ADSS1: variants seen among roughly 807,000 people sequenced by gnomAD.
The protein encoded by ADSS1 is adenylosuccinate synthetase isozyme 1.
ADSS1 carries 57 observed loss-of-function variants against 59.1 expected under a neutral mutation model. That is an observed-to-expected ratio of 0.97 (90% CI 0.78 to 1.20). The LOEUF is 1.20. ADSS1 is among the 50% of genes most tolerant of loss of function. The pLI is 0.00. For synonymous variants in ADSS1, 247 were observed against 249.4 expected, an observed-to-expected ratio of 0.99 and a Z score of 0.09; for missense variants, 603 against 610.3, an observed-to-expected ratio of 0.99 and a Z score of 0.13.
At chr14:104,739,410 C>CCCT in intron 4 of ADSS1, 32 bp downstream of exon 4, 1 of 1,585,672 alleles carries the variant, frequency 6.3e-7, no homozygotes, top group Non-Finnish European at 8.6e-7. Flanking sequence ...AGGGAACAGC[C>CCCT]CCTCCTGCCC....
At chr14:104,739,910 A>C in intron 5 of ADSS1, 94 bp downstream of exon 5, 1 of 1,368,858 alleles carries the variant, frequency 7.3e-7, no homozygotes, top group Non-Finnish European at 1.0e-6. Flanking sequence ...CACAACGAGG[A>C]GGGTACCTCA....
At chr14:104,736,916 AT>A (rs1419314352) in intron 2 of ADSS1, among the ~76,000 whole-genome samples, 239 of 127,674 alleles carry the variant, frequency 1.9e-3, no homozygotes, top group Non-Finnish European at 2.3e-3. Context: ...ATATATATGC[AT>A]TTTTTTTTTT....
At chr14:104,730,656 C>T (rs1232683420) in intron 1 of ADSS1, among the ~76,000 whole-genome samples, 1 of 152,058 alleles carries the variant, frequency 6.6e-6, no homozygotes, top group African/African-American at 2.4e-5. Context: ...GGTGGGAGGA[C>T]TGGGGAGTGG....
rs559696857 is a variant in ADSS1 at position 104,746,333 on chromosome 14, C to T, written c.1269C>T (p.Pro423=). ...TTGARRWEDL[P]PQAQNYIRFV... ...GCGCCAGGAGGTGGGAGGACCTGCC[C>T]CCACAGGCCCAGAACTACATCCGCT... is the stretch of plus-strand genomic sequence containing the variant. The change falls in exon 12 of 13, where the codon CCC becomes CCT. Residue 423 remains proline, a synonymous_variant. Transcript: ENST00000330877. 15 of 1,613,800 alleles carry T rather than the reference C, an allele frequency of 9.3e-6. No homozygotes were observed. The Admixed American group carries it at 1.3e-4, about 14-fold the overall frequency.
At chr14:104,733,718 G>T (rs1891014912) in intron 1 of ADSS1, among the ~76,000 whole-genome samples, 1 of 152,206 alleles carries the variant, frequency 6.6e-6, no homozygotes, top group Non-Finnish European at 1.5e-5. Flanking sequence ...GGAAGGTGGG[G>T]CTGGATCTGG....
In ADSS1 at chr14:104,745,174, G is replaced by T. The variant is rs1039276668; in HGVS notation, c.1171+265G>T. 2.0e-5 allele frequency: 8 copies of T among 410,194 alleles called. No individual in the cohort carries two copies. In the Admixed American group the frequency reaches 3.2e-4, roughly 16 times the overall value. 25.4% of individuals were successfully genotyped at this position (410,194 alleles called of 1,614,324 possible). On this transcript the variant is annotated intron_variant, in intron 11 of 12. Coordinates refer to ENST00000330877, the MANE Select transcript of ADSS1 (RefSeq NM_152328.5). ...AATGGCTCAGGGGGACAGACTACTC[G>T]CCTGGGACCCTGGGGGACCTTCAGC...
chr14:104,746,722 G>A lies in ADSS1; in HGVS notation c.1322-229G>A, dbSNP rs111794460. The stretch of plus-strand genomic sequence containing the variant: ...CAGGGAGAGTCACTAAGTAACTAAC[G>A]TTGCCATTTCCAAGGAAGAAGGGAG... On this transcript the variant is annotated intron_variant, in intron 12 of 12. Coordinates refer to ENST00000330877, the MANE Select transcript of ADSS1 (RefSeq NM_152328.5). Among the ~76,000 whole-genome samples, 106 of 152,338 alleles carry A rather than the reference G, an allele frequency of 7.0e-4. 1 individual carries two copies. The highest frequency in any genetic ancestry group is 2.1e-3 in the African/African-American group (88 of 41,582).
intron 2 of ADSS1, among the ~76,000 whole-genome samples, chr14:104,735,323 A>C (rs1324214967): frequency 6.6e-6 from 1 of 152,214 alleles, no homozygotes. Context: ...AACGCAGCTG[A>C]GAGGACACAG....
intron 3 of ADSS1, 57 bp from the exon 4 acceptor site, chr14:104,739,271 G>A (rs369775077): frequency 2.1e-5 from 33 of 1,559,340 alleles, no homozygotes; most frequent in African/African-American, 5.4e-5. Flanking sequence ...GGCCCCTCAC[G>A]TGTGAGCTGC....
At chr14:104,734,619 G>C (rs1240983178) in intron 1 of ADSS1, among the ~76,000 whole-genome samples, 5 of 152,242 alleles carry the variant, frequency 3.3e-5, no homozygotes, top group African/African-American at 1.2e-4. Flanking sequence ...AAAGGGAAGG[G>C]TTTCTGCTAA....
At chr14:104,726,502 C>G (rs111884414) in intron 1 of ADSS1, among the ~76,000 whole-genome samples, 2 of 152,214 alleles carry the variant, frequency 1.3e-5, no homozygotes, top group Non-Finnish European at 2.9e-5. Context: ...CTCCTCCTAG[C>G]GGTGGGGGTT....
At chr14:104,731,837 T>C (rs1253901285) in intron 1 of ADSS1, among the ~76,000 whole-genome samples, 1 of 152,062 alleles carries the variant, frequency 6.6e-6, no homozygotes, top group Non-Finnish European at 1.5e-5. Flanking sequence ...GACTCGGGGC[T>C]CAGGGCCGGG....
intron 12 of ADSS1, 65 bp from the exon 13 acceptor site, chr14:104,746,886 A>C (rs747760436): frequency 6.4e-7 from 1 of 1,553,190 alleles, no homozygotes; most frequent in Non-Finnish European, 8.9e-7. Flanking sequence ...TACGACACTA[A>C]AGACAACTTT....
At chr14:104,730,956 A>AGT (rs1419768186) in intron 1 of ADSS1, among the ~76,000 whole-genome samples, 3 of 4,740 alleles carry the variant, frequency 6.3e-4, no homozygotes, top group African/African-American at 1.8e-3. Context: ...CTAGGCAGAG[A>AGT]GTGGGGGGGG....
intron 1 of ADSS1, among the ~76,000 whole-genome samples, chr14:104,730,991 G>A (rs1374172368): frequency 1.4e-5 from 2 of 145,956 alleles, no homozygotes; most frequent in Non-Finnish European, 3.1e-5. Flanking sequence ...GTCCGTGGGG[G>A]CTCAGAGCTG....
In ADSS1 at chr14:104,740,360, A is replaced by G. The variant is rs1294765865; in HGVS notation, c.477-241A>G. ...CCACACACCCACGCAAATGCACAAA[A>G]GTACACACAGCCACACATGCACACA... On this transcript the variant is annotated intron_variant, in intron 5 of 12. Transcript: ENST00000330877. This position sits in a 1 kb window ranked among gnomAD's most constrained non-coding sequence, Gnocchi z 4.8. Among the ~76,000 whole-genome samples the G allele has an allele frequency of 6.6e-6, 1 of 151,814 alleles. No homozygotes were observed. Among genetic ancestry groups the G allele is most frequent in the Non-Finnish European group, 1.5e-5 (1 of 67,984 alleles).
intron 1 of ADSS1, chr14:104,730,108 G>A (rs1359877030): frequency 6.5e-7 from 1 of 1,550,058 alleles, no homozygotes; most frequent in African/African-American, 1.4e-5. Flanking sequence ...GGGTGACGCT[G>A]GGAGAGGAGA....
intron 9 of ADSS1, 115 bp from the exon 10 acceptor site, chr14:104,742,952 C>T (rs146780897): frequency 9.0e-5 from 134 of 1,481,408 alleles, no homozygotes; most frequent in Middle Eastern, 4.4e-4. Flanking sequence ...TCGGTGGAGG[C>T]GGGGCACCCT....
chr14:104,742,928 G>A lies in ADSS1; in HGVS notation c.949-139G>A, dbSNP rs545553282. The A allele has an allele frequency of 1.1e-4, 137 of 1,277,716 alleles. 1 individual carries two copies. The highest frequency in any genetic ancestry group is 8.0e-4 in the Middle Eastern group (3 of 3,760). 79.1% of individuals were successfully genotyped at this position (1,277,716 alleles called of 1,614,324 possible). A position where few individuals can be genotyped will look rare whatever the true frequency, so the allele number is the denominator to read the frequency against. ...AGGGGTGTGGGGATGTCCGGGAGCT[G>A]GATGTAAGGACTGTCGGTGGAGGCG... On this transcript the variant is annotated intron_variant, in intron 9 of 12. Coordinates refer to ENST00000330877, the MANE Select transcript of ADSS1 (RefSeq NM_152328.5).
Sources: gnomAD v4.1 joint callset for allele counts (sites outside exome capture counted in the v4.1 genomes callset) on GRCh38, gnomAD v4.1.1 for gene constraint, Gnocchi (gnomAD v3.1) non-coding constraint, MANE v1.5 for transcripts, NCBI Gene and HGNC (gene_info 2026-07-23, HGNC 2026-07-21) for gene names.